The following SGK3 variants were observed in gnomAD, a reference collection of about 807,000 sequenced individuals.
The protein encoded by SGK3 is serine/threonine-protein kinase Sgk3.
In SGK3, 47 loss-of-function variants were observed where a neutral mutation model predicts 68.5. The ratio of observed to expected loss-of-function variants is 0.69; its 90% CI spans 0.54 to 0.87. SGK3 has a LOEUF of 0.87. SGK3 is among the 40% of genes least tolerant of loss of function. The probability of loss-of-function intolerance (pLI) is 0.00; values close to 1 mark genes in which losing one functional copy is unlikely to be tolerated. For missense variants in SGK3, 479 were observed against 575.5 expected, an observed-to-expected ratio of 0.83 and a Z score of 1.72; for synonymous variants, 181 against 189.1, an observed-to-expected ratio of 0.96 and a Z score of 0.35.
intron 1 of SGK3, among the ~76,000 whole-genome samples, chr8:66,741,670 C>A (rs952117918): frequency 6.6e-6 from 1 of 151,982 alleles, no homozygotes; most frequent in African/African-American, 2.4e-5. Context: ...AGTTTGAGAC[C>A]AGCCTGGACA....
intron 1 of SGK3, among the ~76,000 whole-genome samples, chr8:66,788,906 G>C (rs1019413402): frequency 6.6e-6 from 1 of 152,184 alleles, no homozygotes; most frequent in African/African-American, 2.4e-5. Context: ...TGATGGACCA[G>C]TGTGGTGATC....
chr8:66,790,545 A>G (rs1477134228), intron 1 of SGK3, among the ~76,000 whole-genome samples: 1 of 152,186 alleles, frequency 6.6e-6, no homozygotes, highest in Admixed American at 6.5e-5. Flanking sequence ...AGGATTATAT[A>G]TTGAATTGGC....
intron 15 of SGK3, among the ~76,000 whole-genome samples, chr8:66,848,823 A>G (rs1382970047): frequency 6.6e-6 from 1 of 152,130 alleles, no homozygotes; most frequent in Admixed American, 6.6e-5. Context: ...AACTTGTTGG[A>G]AGTTTTCTTT....
At chr8:66,736,525 A>G (rs1805319017) in intron 1 of SGK3, among the ~76,000 whole-genome samples, 1 of 151,918 alleles carries the variant, frequency 6.6e-6, no homozygotes. Flanking sequence ...CGTTGCCATC[A>G]TAGCCCACTG....
At chr8:66,721,329 A>G (rs1804788365) in intron 1 of SGK3, among the ~76,000 whole-genome samples, 1 of 152,158 alleles carries the variant, frequency 6.6e-6, no homozygotes, top group African/African-American at 2.4e-5. Context: ...CTGCTCTCTG[A>G]GAGTTTGCTC....
intron 1 of SGK3, among the ~76,000 whole-genome samples, chr8:66,754,260 A>G (rs1805909458): frequency 6.6e-6 from 1 of 152,296 alleles, no homozygotes; most frequent in Admixed American, 6.5e-5. Flanking sequence ...ATTGTGACCA[A>G]TGTTGGCTTT....
At chr8:66,845,708 A>G (rs1809982725) in intron 14 of SGK3, among the ~76,000 whole-genome samples, 1 of 147,816 alleles carries the variant, frequency 6.8e-6, no homozygotes, top group South Asian at 2.1e-4. Flanking sequence ...TTATTTATTT[A>G]TTTATTTATT....
intron 16 of SGK3, among the ~76,000 whole-genome samples, chr8:66,857,799 ATGTGTGTGTGTGTGTGTGTG>A (rs111758415): frequency 2.2e-5 from 3 of 133,714 alleles, no homozygotes; most frequent in African/African-American, 5.5e-5. Context: ...GTGTGTGTGT[ATGTGTGTGTGTGTGTGTGTG>A]TGTGTGTGTG....
At chr8:66,778,053 C>T (rs1806784694) in intron 1 of SGK3, 1 of 152,332 alleles carries the variant, frequency 6.6e-6, no homozygotes, top group African/African-American at 2.4e-5. Flanking sequence ...AACCCCCCCT[C>T]ACATGCGGCC....
chr8:66,785,566 C>A (rs769768455), intron 1 of SGK3, among the ~76,000 whole-genome samples: 99 of 152,308 alleles, frequency 6.5e-4, no homozygotes, highest in Non-Finnish European at 1.3e-3. Flanking sequence ...CCGCCACTCC[C>A]CCACCCCACA....
intron 6 of SGK3, among the ~76,000 whole-genome samples, chr8:66,826,716 C>G (rs1048311494): frequency 5.3e-5 from 8 of 152,116 alleles, no homozygotes; most frequent in African/African-American, 1.7e-4. Flanking sequence ...GCTATCTCAG[C>G]TCACTGCAAC....
At chr8:66,780,950 AT>A (rs939771720) in intron 1 of SGK3, among the ~76,000 whole-genome samples, 105 of 152,106 alleles carry the variant, frequency 6.9e-4, no homozygotes, top group African/African-American at 2.5e-3. Flanking sequence ...CATGATGGTG[AT>A]TTTTGTCTTT....
chr8:66,716,642 C>T (rs927448730), intron 1 of SGK3, among the ~76,000 whole-genome samples: 5 of 151,900 alleles, frequency 3.3e-5, no homozygotes, highest in South Asian at 2.1e-4. Flanking sequence ...ATATGTAAGA[C>T]GGAAAATGGA....
At chr8:66,744,005 C>A (rs1489387562) in intron 1 of SGK3, among the ~76,000 whole-genome samples, 2 of 152,188 alleles carry the variant, frequency 1.3e-5, no homozygotes, top group African/African-American at 2.4e-5. Context: ...TGGAAATGCT[C>A]TTTGCCTCTT....
At position 66,831,254 on chromosome 8, in the gene SGK3, T is replaced by G; in HGVS notation, c.468T>G (p.His156Gln). ...NINLGPSGNP[H>Q]AKPTDFDFLK... ...AATTCTTATTGTTAATTTATTTCAG[T>G]GCCAAACCAACTGACTTTGATTTCT... Residue 156 changes from histidine (H) to glutamine (Q), a missense_variant and splice_region_variant, in exon 8 of 17, where the codon CAT (histidine) becomes CAG (glutamine). By Grantham distance (24) the His-to-Gln change is conservative. Transcript: ENST00000521198. 6.2e-7 allele frequency: 1 copy of G among 1,614,118 alleles called. No homozygotes were observed. Among genetic ancestry groups the G allele is most frequent in the East Asian group, 2.2e-5 (1 of 44,882 alleles).
At chr8:66,725,693 C>A (rs1804966988) in intron 1 of SGK3, among the ~76,000 whole-genome samples, 1 of 151,682 alleles carries the variant, frequency 6.6e-6, no homozygotes, top group South Asian at 2.1e-4. Context: ...TAGTAATTTG[C>A]AGGTGCCTTG....
Position 66,822,426 on chromosome 8 carries a change from A to C in SGK3, c.384A>C (p.Pro128=). 1 of 1,611,428 alleles carries C rather than the reference A, an allele frequency of 6.2e-7. No homozygotes were observed. The highest frequency in any genetic ancestry group is 8.5e-7 in the Non-Finnish European group (1 of 1,178,682). The change falls in exon 6 of 17, where the codon CCA becomes CCC. Residue 128 remains proline, a synonymous_variant. Transcript: ENST00000521198. ...QMDSPKHQSD[P]SEDEDERSSQ... ...ACAGTCCAAAACACCAGTCAGATCC[A>C]TCTGAAGATGAGGATGAAAGAAGTT...
intron 1 of SGK3, among the ~76,000 whole-genome samples, chr8:66,785,410 G>A (rs1189946532): frequency 1.3e-5 from 2 of 152,170 alleles, no homozygotes; most frequent in Admixed American, 6.5e-5. Flanking sequence ...AGATGTGAGC[G>A]CTTAAAACAG....
intron 1 of SGK3, among the ~76,000 whole-genome samples, chr8:66,762,333 A>G (rs1343707778): frequency 6.6e-6 from 1 of 152,124 alleles, no homozygotes; most frequent in South Asian, 2.1e-4. Context: ...ATACAAACCA[A>G]CATGGTGAAA....
Sources: gnomAD v4.1 joint callset for allele counts (sites outside exome capture counted in the v4.1 genomes callset) on GRCh38, gnomAD v4.1.1 for gene constraint, MANE v1.5 for transcripts, NCBI Gene and HGNC (gene_info 2026-07-23, HGNC 2026-07-21) for gene names.